Variants in GAPVD1 observed in about 807,000 individuals in gnomAD.
GAPVD1 encodes the protein GTPase-activating protein and VPS9 domain-containing protein 1.
GAPVD1 carries 35 observed loss-of-function variants against 155.5 expected under a neutral mutation model. The observed-to-expected ratio is 0.23, with a 90% confidence interval of 0.17 to 0.30. The LOEUF (loss-of-function observed/expected upper bound fraction) is 0.30. Among genes scored for constraint, GAPVD1 ranks in the 10% least tolerant of loss-of-function variants. The pLI, the probability that GAPVD1 is intolerant of heterozygous loss-of-function variation, is 1.00. For missense variants in GAPVD1, 1,429 were observed against 1,775.7 expected (o/e 0.80, Z 3.51); for synonymous variants, 636 against 619.7 (o/e 1.03, Z -0.39).
intron 18 of GAPVD1, chr9:125,341,970 G>A: frequency 2.9e-6 from 1 of 350,480 alleles, no homozygotes. Context: ...AGAGTCAGTG[G>A]TTTTGATTTT....
intron 15 of GAPVD1, among the ~76,000 whole-genome samples, chr9:125,336,310 A>C (rs1328907574): frequency 2.6e-5 from 4 of 151,624 alleles, no homozygotes; most frequent in Non-Finnish European, 5.9e-5. Flanking sequence ...AAAAAACAAA[A>C]AACAAAAAAT....
At position 125,359,678 on chromosome 9, in the gene GAPVD1, T is replaced by A. The variant is rs1850643298; in HGVS notation, c.4044+186T>A. On this transcript the variant is annotated intron_variant, in intron 26 of 27. Transcript: ENST00000297933. ...TTTCAGGGATTAAAATTCCCTGGTA[T>A]GAAATAGTAGAAAGCCAGTTGTGAG... 5.5e-6 allele frequency: 3 copies of A among 542,964 alleles called. No homozygotes were observed. The Admixed American group carries it at 1.0e-4, about 18-fold the overall frequency. 33.6% of individuals were successfully genotyped at this position (542,964 alleles called of 1,614,324 possible).
rs773819675 is a variant in GAPVD1, at chr9:125,307,815, C to T, written c.1376C>T (p.Pro459Leu). The change falls in exon 8 of 28, where the codon CCC (proline) becomes CTC (leucine). Residue 459 changes from proline to leucine, a missense_variant. By Grantham distance (98) the Pro-to-Leu change is moderately conservative. This residue lies in a region of GAPVD1 where 628 missense variants were observed against 733.4 expected (regional missense o/e 0.86). Transcript: ENST00000297933. ...AAAAGTAGCAGTTTAGAAATGACTC[C>T]CTACAATACACCTCAGCTATCTCCA... Reference protein sequence around the residue: ...PGKSSSLEMTPYNTPQLSPAT... With the variant: ...PGKSSSLEMTLYNTPQLSPAT... The T allele has an allele frequency of 3.0e-5, 49 of 1,613,316 alleles. 1 individual carries two copies. In the Middle Eastern group the frequency reaches 6.6e-4, roughly 22 times the overall value.
At chr9:125,279,296 C>G (rs1043238819) in intron 2 of GAPVD1, among the ~76,000 whole-genome samples, 7 of 151,724 alleles carry the variant, frequency 4.6e-5, no homozygotes, top group Non-Finnish European at 8.8e-5. Context: ...GAAGGCCGGC[C>G]GCAATGGCTC....
chr9:125,267,013 C>G (rs1331171285), intron 1 of GAPVD1, among the ~76,000 whole-genome samples: 1 of 152,178 alleles, frequency 6.6e-6, no homozygotes, highest in Non-Finnish European at 1.5e-5. Context: ...CTCGGCCTCC[C>G]CAAAGGGCTG....
At chr9:125,340,446 G>T (rs529533305) in intron 17 of GAPVD1, among the ~76,000 whole-genome samples, 3 of 152,242 alleles carry the variant, frequency 2.0e-5, no homozygotes, top group East Asian at 3.9e-4. Flanking sequence ...TGAGGAAGAG[G>T]GGGAGGTAAC....
chr9:125,280,228 C>T (rs1026011718), intron 2 of GAPVD1, among the ~76,000 whole-genome samples: 2 of 150,860 alleles, frequency 1.3e-5, no homozygotes, highest in African/African-American at 4.8e-5. Context: ...GAAACCCCGT[C>T]TCCACTAAAA....
At position 125,308,449 on chromosome 9, in the gene GAPVD1, A is replaced by G. The variant is rs552596881; in HGVS notation, c.1441+569A>G. 2.6e-5 allele frequency: 4 copies of G among 152,268 alleles called. No homozygotes were observed. In the South Asian group the frequency reaches 8.3e-4, roughly 32 times the overall value. 9.4% of individuals were successfully genotyped at this position (152,268 alleles called of 1,614,324 possible). ...GTTTCCATCAATAAAGTGGAAAATA[A>G]TAGTATTTTCTATTATTTTCATTAA... is the stretch of plus-strand genomic sequence containing the variant. On this transcript the variant is annotated intron_variant, in intron 8 of 27. Transcript: ENST00000297933.
chr9:125,330,441 C>A (rs1323646896), intron 13 of GAPVD1, among the ~76,000 whole-genome samples: 7 of 151,856 alleles, frequency 4.6e-5, no homozygotes. Context: ...GCCTCAGCCT[C>A]CTGAGTAGCT....
At chr9:125,320,439 G>A (rs1844152074) in intron 9 of GAPVD1, among the ~76,000 whole-genome samples, 1 of 152,026 alleles carries the variant, frequency 6.6e-6, no homozygotes, top group Non-Finnish European at 1.5e-5. Context: ...TTTCTGGTGT[G>A]GACTTTTGTG....
chr9:125,333,294 C>T (rs1195819514), intron 15 of GAPVD1, among the ~76,000 whole-genome samples: 2 of 151,696 alleles, frequency 1.3e-5, no homozygotes, highest in African/African-American at 2.4e-5. Context: ...ATTGGCCAGG[C>T]TGGTCTCGAA....
intron 2 of GAPVD1, among the ~76,000 whole-genome samples, chr9:125,272,732 ATGG>A (rs1389505741): frequency 1.3e-5 from 2 of 152,192 alleles, no homozygotes; most frequent in Non-Finnish European, 2.9e-5. Flanking sequence ...CACAGTAATG[ATGG>A]TAACGCTGTT....
chr9:125,350,987 T>A, intron 23 of GAPVD1, 115 bp downstream of exon 23: 1 of 806,368 alleles, frequency 1.2e-6, no homozygotes, highest in African/African-American at 1.7e-5. Flanking sequence ...TGGCTGTATT[T>A]TCCTGGATGT....
At position 125,326,065 on chromosome 9, in the gene GAPVD1, G is replaced by C. The variant is rs139130115; in HGVS notation, c.1859-351G>C. Among the ~76,000 whole-genome samples the C allele has an allele frequency of 7.2e-5, 11 of 152,328 alleles. 1 individual carries two copies. In the East Asian group the frequency reaches 2.1e-3, roughly 29 times the overall value. ...GCATGGAATATATAGGATTTGGTAC[G>C]ATCCGAAGCTTCAGTTATCCACTGG... On this transcript the variant is annotated intron_variant, in intron 11 of 27. Coordinates refer to ENST00000297933, the MANE Select transcript of GAPVD1 (RefSeq NM_001282680.3).
chr9:125,359,574 G>GGAACTGAAAT, intron 26 of GAPVD1, 82 bp downstream of exon 26: 1 of 744,698 alleles, frequency 1.3e-6, no homozygotes, highest in East Asian at 2.5e-5. Flanking sequence ...ACGTGTTCAA[G>GGAACTGAAAT]GAACTGAAAT....
At position 125,337,241 on chromosome 9, in the gene GAPVD1, C is replaced by T. The variant is rs753053225; in HGVS notation, c.2527C>T (p.Pro843Ser). Residue 843 changes from proline (P) to serine (S), a missense_variant, in exon 17 of 28, where the codon CCA (proline) becomes TCA (serine). Pro to Ser is a moderately conservative substitution (Grantham distance 74). This residue lies in a region of GAPVD1 where 699 missense variants were observed against 826.0 expected (regional missense o/e 0.85). Transcript: ENST00000297933. ...SHEGASAVVR[P>S]KVHYARPSHP... is the part of the protein sequence containing the mutation. ...TGCAGGGGCTTCTGCTGTGGTAAGG[C>T]CAAAGGTTCACTATGCTAGGCCATC... is the stretch of plus-strand genomic sequence containing the variant. The T allele has an allele frequency of 6.2e-7, 1 of 1,614,124 alleles. No homozygotes were observed. The highest frequency in any genetic ancestry group is 2.2e-5 in the East Asian group (1 of 44,886).
In GAPVD1 at chr9:125,293,888, A is replaced by AAATATATTT. The variant is rs1564312380; in HGVS notation, c.-149-1570_-149-1569insAATATATTT. Among the ~76,000 whole-genome samples the AAATATATTT allele has an allele frequency of 2.3e-4, 24 of 105,028 alleles. 1 individual carries two copies. The highest frequency in any genetic ancestry group is 7.4e-4 in the African/African-American group (22 of 29,738). 68.9% of individuals were successfully genotyped at this position (105,028 alleles called of 152,430 possible). On this transcript the variant is annotated intron_variant, in intron 2 of 27. Coordinates refer to ENST00000297933, the MANE Select transcript of GAPVD1 (RefSeq NM_001282680.3). Reference sequence around the variant, plus strand: ...TATATATATATATATATATATATATATATATATATATATATAAGTTTTTGT... The same window carrying AAATATATTT: ...TATATATATATATATATATATATATAAATATATTTTATATATATATATATAAGTTTTTGT...
chr9:125,297,211 C>T (rs1840028727), intron 3 of GAPVD1, among the ~76,000 whole-genome samples: 4 of 152,146 alleles, frequency 2.6e-5, no homozygotes, highest in Admixed American at 2.6e-4. Context: ...TATTCAACTC[C>T]TGCTGTGAAC....
intron 9 of GAPVD1, among the ~76,000 whole-genome samples, chr9:125,315,759 G>A (rs998849276): frequency 6.6e-6 from 1 of 151,994 alleles, no homozygotes; most frequent in Non-Finnish European, 1.5e-5. Context: ...AGACACCAGG[G>A]GGCACAAAGG....
Sources: gnomAD v4.1 joint callset for allele counts (sites outside exome capture counted in the v4.1 genomes callset) on GRCh38, gnomAD v4.1.1 for gene constraint, gnomAD v4.1.1 regional missense constraint, MANE v1.5 for transcripts, NCBI Gene and HGNC (gene_info 2026-07-23, HGNC 2026-07-21) for gene names.